The following KNDC1 variants were observed in gnomAD, a reference collection of about 807,000 sequenced individuals.
The protein encoded by KNDC1 is kinase non-catalytic C-lobe domain-containing protein 1.
KNDC1 carries 106 observed loss-of-function variants against 172.8 expected under a neutral mutation model. That is an observed-to-expected ratio of 0.61 (90% confidence interval 0.52 to 0.72). KNDC1 has a LOEUF of 0.72. Ranked by LOEUF, KNDC1 falls within the 30% of genes least tolerant of loss-of-function variation. The pLI is 0.00. For missense variants in KNDC1, 2,325 were observed against 2,394.5 expected, an observed-to-expected ratio of 0.97 and a Z score of 0.61; for synonymous variants, 1,083 against 1,062.2, an observed-to-expected ratio of 1.02 and a Z score of -0.38.
intron 26 of KNDC1, among the ~76,000 whole-genome samples, chr10:133,214,646 A>G (rs976639000): frequency 1.3e-5 from 2 of 152,198 alleles, no homozygotes; most frequent in South Asian, 2.1e-4. Flanking sequence ...CCAGCGTCCC[A>G]CCCTGGGCTC....
chr10:133,186,112 G>A lies in KNDC1; in HGVS notation c.764G>A (p.Arg255Lys), dbSNP rs1488486758. 1 of 1,598,772 alleles carries A rather than the reference G, an allele frequency of 6.3e-7. No individual in the cohort carries two copies. The highest frequency in any genetic ancestry group is 1.7e-5 in the Admixed American group (1 of 58,314). Reference sequence around the variant, plus strand: ...GAGTCTGAGACGAGCCGGGGCCCCAGAGCCTCCCCAACCAAGGCTCTGCTG... The same window carrying A: ...GAGTCTGAGACGAGCCGGGGCCCCAAAGCCTCCCCAACCAAGGCTCTGCTG... ...GPESETSRGP[R>K]ASPTKALLST... The change falls in exon 6 of 30, where the codon AGA (arginine) becomes AAA (lysine). Residue 255 changes from arginine to lysine, a missense_variant. By Grantham distance (26) the Arg-to-Lys change is conservative (BLOSUM62 2). Coordinates refer to ENST00000304613, the MANE Select transcript of KNDC1 (RefSeq NM_152643.8).
At chr10:133,195,619 C>A (rs1430854667) in intron 9 of KNDC1, 44 bp from the exon 10 acceptor site, 18 of 1,478,302 alleles carry the variant, frequency 1.2e-5, no homozygotes, top group Non-Finnish European at 1.6e-5. Flanking sequence ...GGCACAGCAG[C>A]CCACAGCCCT....
chr10:133,214,171 AC>A, intron 26 of KNDC1, 49 bp downstream of exon 26: 1 of 1,601,082 alleles, frequency 6.2e-7, no homozygotes, highest in African/African-American at 1.3e-5. Context: ...GGGCCCACCT[AC>A]GCGGGGGTGG....
intron 5 of KNDC1, among the ~76,000 whole-genome samples, chr10:133,185,442 G>A (rs35360335): frequency 2.5e-4 from 33 of 130,650 alleles, no homozygotes; most frequent in Admixed American, 5.2e-4. Context: ...TGTGCAGTGT[G>A]GAATAGGCAG....
rs1444736703 is a variant in KNDC1 at position 133,226,322 on chromosome 10, G to A, written c.*1432G>A. The A allele has an allele frequency of 6.6e-6, 1 of 152,230 alleles. No individual in the cohort carries two copies. The highest frequency in any genetic ancestry group is 2.4e-5 in the African/African-American group (1 of 41,444). 9.4% of individuals were successfully genotyped at this position (152,230 alleles called of 1,614,324 possible). A position where few individuals can be genotyped will look rare whatever the true frequency, so the allele number is the denominator to read the frequency against. ...ATTCCAGCGGTCAGGACTGACCCCGGGGCAGCACTGGGCTCAGGCTTCAGC... is the reference window on the plus strand; with the variant it reads ...ATTCCAGCGGTCAGGACTGACCCCGAGGCAGCACTGGGCTCAGGCTTCAGC... On this transcript the variant is annotated 3_prime_UTR_variant, in exon 30 of 30. Coordinates refer to ENST00000304613, the MANE Select transcript of KNDC1 (RefSeq NM_152643.8).
At chr10:133,183,071 G>A (rs1252894183) in intron 3 of KNDC1, among the ~76,000 whole-genome samples, 2 of 150,574 alleles carry the variant, frequency 1.3e-5, no homozygotes, top group African/African-American at 2.4e-5. Flanking sequence ...GGGTGTGGGC[G>A]GCGTGGGCAC....
At position 133,168,245 on chromosome 10, in the gene KNDC1, C is replaced by T; in HGVS notation, c.302-9C>T. 4 of 1,613,808 alleles carry T rather than the reference C, an allele frequency of 2.5e-6. No individual in the cohort carries two copies. Among genetic ancestry groups the T allele is most frequent in the Non-Finnish European group, 3.4e-6 (4 of 1,179,726 alleles). On this transcript the variant is annotated splice_polypyrimidine_tract_variant and intron_variant, in intron 2 of 29. Transcript: ENST00000304613. ...GAAGCCTTCTCTCCTTCTCTCTCTC[C>T]TCCCCAAGACGACCCTGAGGGTGCC...
At chr10:133,189,351 A>G (rs1431086930) in intron 7 of KNDC1, among the ~76,000 whole-genome samples, 1 of 152,142 alleles carries the variant, frequency 6.6e-6, no homozygotes, top group Non-Finnish European at 1.5e-5. Flanking sequence ...TTTCAGCCGC[A>G]GATATGCCGC....
At chr10:133,212,268 C>G (rs553140908) in intron 23 of KNDC1, among the ~76,000 whole-genome samples, 2 of 151,818 alleles carry the variant, frequency 1.3e-5, no homozygotes, top group African/African-American at 4.8e-5. Flanking sequence ...CACACGTGCA[C>G]CCGCACACGC....
At chr10:133,193,838 C>G (rs1157711381) in intron 9 of KNDC1, among the ~76,000 whole-genome samples, 4 of 152,186 alleles carry the variant, frequency 2.6e-5, no homozygotes, top group African/African-American at 9.7e-5. Context: ...GAGGGACATT[C>G]TATAACAATA....
At chr10:133,166,528 GGTGT>G (rs1011930159) in intron 1 of KNDC1, among the ~76,000 whole-genome samples, 2 of 152,052 alleles carry the variant, frequency 1.3e-5, no homozygotes, top group African/African-American at 4.8e-5. Context: ...GTGAGTGTGA[GGTGT>G]GTGTGTGTAT....
chr10:133,168,264 G>A lies in KNDC1; in HGVS notation c.312G>A (p.Glu104=), dbSNP rs148005244. 6.2e-7 allele frequency: 1 copy of A among 1,614,018 alleles called. No homozygotes were observed. The highest frequency in any genetic ancestry group is 1.3e-5 in the African/African-American group (1 of 74,926). The change falls in exon 3 of 30, where the codon GAG becomes GAA. Residue 104 remains glutamate (E), a synonymous_variant. Transcript: ENST00000304613. ...CFMEQLSDDP[E]GAFVPPEFDV... is the part of the protein sequence containing the mutation. ...TCTCTCCTCCCCAAGACGACCCTGA[G>A]GGTGCCTTCGTTCCCCCCGAGTTCG...
intron 3 of KNDC1, among the ~76,000 whole-genome samples, chr10:133,173,461 A>G (rs1591225604): frequency 6.6e-6 from 1 of 151,300 alleles, no homozygotes; most frequent in African/African-American, 2.4e-5. Context: ...TGAGTTTGCC[A>G]CATAATGTTT....
At chr10:133,161,976 T>C (rs7921754) in intron 1 of KNDC1, among the ~76,000 whole-genome samples, 94,919 of 151,914 alleles carry the variant, frequency 0.62, 29,823 homozygotes, top group Admixed American at 0.72. Context: ...CACTCCCCAC[T>C]CCCGCTCCCC....
At chr10:133,173,389 A>G (rs1376073165) in intron 3 of KNDC1, among the ~76,000 whole-genome samples, 1 of 152,066 alleles carries the variant, frequency 6.6e-6, no homozygotes, top group South Asian at 2.1e-4. Flanking sequence ...TTCCTTTCCA[A>G]TATCAGTAAG....
chr10:133,217,297 G>A lies in KNDC1; in HGVS notation c.4678-1534G>A, dbSNP rs147668941. ...TGAAGAAACAGACTGAGACGTCAGC[G>A]TAGAAAGTGTATCCGGTAAACACTT... On this transcript the variant is annotated intron_variant, in intron 26 of 29. Coordinates refer to ENST00000304613, the MANE Select transcript of KNDC1 (RefSeq NM_152643.8). Among the ~76,000 whole-genome samples, 20 of 152,392 alleles carry A rather than the reference G, an allele frequency of 1.3e-4. No homozygotes were observed. In the South Asian group the frequency reaches 1.4e-3, roughly 11 times the overall value.
At position 133,219,116 on chromosome 10, in the gene KNDC1, G is replaced by A. The variant is rs1327222565; in HGVS notation, c.4860+26G>A. ...GTACCAGCACTTTACGTGGCCGGGC[G>A]GCTTTGGTCCCCCGAGGCCCTCTCC... On this transcript the variant is annotated intron_variant, in intron 28 of 29. Transcript: ENST00000304613. 24 of 1,608,476 alleles carry A rather than the reference G, an allele frequency of 1.5e-5. 1 individual carries two copies. Among genetic ancestry groups the A allele is most frequent in the South Asian group, 2.2e-5 (2 of 90,326 alleles).
Position 133,198,319 on chromosome 10 carries a change from A to G in KNDC1, c.1907-18A>G. On this transcript the variant is annotated intron_variant, in intron 12 of 29. Coordinates refer to ENST00000304613, the MANE Select transcript of KNDC1 (RefSeq NM_152643.8). ...GGCCACTCCGCCCGCCCACACCCTC[A>G]GCCCCCTGGCTCCCCAGGCTTCCTG... 1.3e-6 allele frequency: 2 copies of G among 1,550,214 alleles called. No individual in the cohort carries two copies. The highest frequency in any genetic ancestry group is 2.4e-5 in the East Asian group (1 of 41,974).
rs980431280 is a variant in KNDC1 at position 133,188,111 on chromosome 10, C to T, written c.1327-428C>T. On this transcript the variant is annotated intron_variant, in intron 6 of 29. Coordinates refer to ENST00000304613, the MANE Select transcript of KNDC1 (RefSeq NM_152643.8). ...GTCCCGAGGCCAAGCGCCATCCACA[C>T]TGCCCCTGCGTCCGTCCGTGGATGC... Among the ~76,000 whole-genome samples, 5 of 152,190 alleles carry T rather than the reference C, an allele frequency of 3.3e-5. 1 individual carries two copies. The highest frequency in any genetic ancestry group is 7.4e-5 in the Non-Finnish European group (5 of 68,020).
Sources: allele counts gnomAD v4.1 joint callset (sites outside exome capture counted in the v4.1 genomes callset), GRCh38; gene constraint gnomAD v4.1.1; transcripts MANE v1.5; gene names NCBI Gene and HGNC (gene_info 2026-07-23, HGNC 2026-07-21).